CFAP299: variants seen among roughly 807,000 people sequenced by gnomAD.
CFAP299 encodes cilia- and flagella-associated protein 299.
In CFAP299, 21 loss-of-function variants were observed where a neutral mutation model predicts 27.0. The ratio of observed to expected loss-of-function variants is 0.78; its 90% CI spans 0.55 to 1.12. CFAP299 has a LOEUF of 1.12. Among genes scored for constraint, CFAP299 ranks in the 50% most tolerant of loss-of-function variants. CFAP299 has a pLI of 0.00. For synonymous variants in CFAP299, 104 were observed against 98.1 expected, an observed-to-expected ratio of 1.06 and a Z score of -0.36; for missense variants, 310 against 276.6, an observed-to-expected ratio of 1.12 and a Z score of -0.86.
chr4:80,478,478 A>G (rs191216371), intron 2 of CFAP299, among the ~76,000 whole-genome samples: 19 of 152,250 alleles, frequency 1.2e-4, no homozygotes, highest in African/African-American at 3.1e-4. Context: ...ATGAATTATC[A>G]TTATAATTAT....
At chr4:80,366,440 T>G (rs2110003335) in intron 2 of CFAP299, among the ~76,000 whole-genome samples, 1 of 152,260 alleles carries the variant, frequency 6.6e-6, no homozygotes, top group Non-Finnish European at 1.5e-5. Context: ...ATTAGGGATG[T>G]TCAAGAAGAA....
intron 3 of CFAP299, among the ~76,000 whole-genome samples, chr4:80,821,265 A>G (rs1729688692): frequency 6.6e-6 from 1 of 152,218 alleles, no homozygotes; most frequent in South Asian, 2.1e-4. Context: ...CAATCTTGAT[A>G]AGAAAGCTTC....
At position 80,596,368 on chromosome 4, in the gene CFAP299, G is replaced by A. The variant is rs114864890; in HGVS notation, c.333+13185G>A. Among the ~76,000 whole-genome samples the A allele has an allele frequency of 5.9e-3, 891 of 152,166 alleles. 7 individuals are homozygous for A. Among genetic ancestry groups the A allele is most frequent in the African/African-American group, 0.02 (830 of 41,520 alleles). On this transcript the variant is annotated intron_variant, in intron 3 of 5. Transcript: ENST00000358105. ...CAAGTTCTAATAATTAGACTGCAAC[G>A]GGCAAAACCTGCCTTCTTTTAGTTA...
At chr4:80,475,760 TG>T (rs1730244076) in intron 2 of CFAP299, among the ~76,000 whole-genome samples, 2 of 152,160 alleles carry the variant, frequency 1.3e-5, no homozygotes, top group Non-Finnish European at 2.9e-5. Context: ...AACAAATATT[TG>T]GTGTTTAAAA....
intron 3 of CFAP299, among the ~76,000 whole-genome samples, chr4:80,835,468 T>C (rs1035013502): frequency 6.7e-6 from 1 of 149,524 alleles, no homozygotes; most frequent in Non-Finnish European, 1.5e-5. Context: ...CAACTGAGTA[T>C]AGCACCCACA....
intron 2 of CFAP299, among the ~76,000 whole-genome samples, chr4:80,508,800 C>A (rs1732155633): frequency 6.6e-6 from 1 of 152,138 alleles, no homozygotes; most frequent in Admixed American, 6.6e-5. Context: ...TCAAGCAATC[C>A]TCCTGACTTG....
chr4:80,803,601 C>A (rs1203182340), intron 3 of CFAP299, among the ~76,000 whole-genome samples: 1 of 151,774 alleles, frequency 6.6e-6, no homozygotes, highest in Non-Finnish European at 1.5e-5. Context: ...CCAATAGAAA[C>A]ATGACACCAG....
At chr4:80,443,926 A>G (rs548211377) in intron 2 of CFAP299, among the ~76,000 whole-genome samples, 48 of 152,316 alleles carry the variant, frequency 3.2e-4, no homozygotes, top group Non-Finnish European at 6.2e-4. Context: ...ACTGCCATTC[A>G]TAATTGCTAC....
At chr4:80,744,273 A>C (rs1724454905) in intron 3 of CFAP299, among the ~76,000 whole-genome samples, 1 of 152,038 alleles carries the variant, frequency 6.6e-6, no homozygotes, top group Non-Finnish European at 1.5e-5. Context: ...ATGTCTTAGA[A>C]AGACTCCAAG....
At chr4:80,820,505 C>T (rs925250991) in intron 3 of CFAP299, among the ~76,000 whole-genome samples, 2 of 149,566 alleles carry the variant, frequency 1.3e-5, no homozygotes, top group Non-Finnish European at 3.0e-5. Context: ...TAAGGAACAG[C>T]AAGAAGGCCA....
rs192903413 is a variant in CFAP299 at position 80,572,760 on chromosome 4, G to A, written c.243-10333G>A. ...TCTCAAACTCCTGATGTCGTTATCCGCCCACCTGGGCCTCCCAAAGTGCTG... is the reference window on the plus strand; with the variant it reads ...TCTCAAACTCCTGATGTCGTTATCCACCCACCTGGGCCTCCCAAAGTGCTG... On this transcript the variant is annotated intron_variant, in intron 2 of 5. Coordinates refer to ENST00000358105, the MANE Select transcript of CFAP299 (RefSeq NM_152770.3). Among the ~76,000 whole-genome samples the A allele has an allele frequency of 2.3e-3, 352 of 151,692 alleles. 1 individual carries two copies. The highest frequency in any genetic ancestry group is 0.019 in the South Asian group (90 of 4,808).
chr4:80,383,249 C>T (rs2110021939), intron 2 of CFAP299, among the ~76,000 whole-genome samples: 1 of 151,980 alleles, frequency 6.6e-6, no homozygotes, highest in South Asian at 2.1e-4. Context: ...AGGCTTAGTA[C>T]CTGGGTGACA....
At chr4:80,852,059 A>T (rs368336382) in intron 3 of CFAP299, among the ~76,000 whole-genome samples, 2 of 152,118 alleles carry the variant, frequency 1.3e-5, no homozygotes, top group Admixed American at 6.6e-5. Flanking sequence ...TTATATTCAG[A>T]CCTACCTATA....
At chr4:80,608,857 A>G (rs371047220) in intron 3 of CFAP299, among the ~76,000 whole-genome samples, 1,027 of 51,474 alleles carry the variant, frequency 0.02, 13 homozygotes, top group African/African-American at 0.058. Flanking sequence ...AGCTTACACG[A>G]TGCATGTGTG....
intron 1 of CFAP299, among the ~76,000 whole-genome samples, chr4:80,338,826 T>C (rs1382253576): frequency 2.0e-5 from 3 of 152,244 alleles, no homozygotes; most frequent in African/African-American, 7.2e-5. Context: ...ATCTTCCAGG[T>C]ACTCTTGTAT....
At chr4:80,715,344 G>A (rs547721247) in intron 3 of CFAP299, among the ~76,000 whole-genome samples, 26 of 152,136 alleles carry the variant, frequency 1.7e-4, no homozygotes, top group Admixed American at 1.5e-3. Flanking sequence ...GGACAAGTTG[G>A]CTTACCTCAG....
chr4:80,691,818 T>G (rs564755906), intron 3 of CFAP299, among the ~76,000 whole-genome samples: 4 of 152,176 alleles, frequency 2.6e-5, no homozygotes, highest in Admixed American at 6.5e-5. Flanking sequence ...CCAAAATCTC[T>G]TTAAGCTGAT....
At chr4:80,452,980 T>A (rs1285938668) in intron 2 of CFAP299, among the ~76,000 whole-genome samples, 1 of 152,238 alleles carries the variant, frequency 6.6e-6, no homozygotes, top group African/African-American at 2.4e-5. Flanking sequence ...TTTGAATGTT[T>A]AAAGCAGCCC....
intron 3 of CFAP299, among the ~76,000 whole-genome samples, chr4:80,781,892 T>C (rs538424441): frequency 1.3e-5 from 2 of 152,218 alleles, no homozygotes; most frequent in Admixed American, 1.3e-4. Context: ...ACATGGGCTC[T>C]GGAATCTGAC....
Sources: gnomAD v4.1 joint callset for allele counts (sites outside exome capture counted in the v4.1 genomes callset) on GRCh38, gnomAD v4.1.1 for gene constraint, MANE v1.5 for transcripts, NCBI Gene and HGNC (gene_info 2026-07-23, HGNC 2026-07-21) for gene names.